The following ATRN variants were observed in gnomAD, a reference collection of about 807,000 sequenced individuals.
ATRN encodes attractin-2.
Under a neutral mutation model 178.7 loss-of-function variants are expected in ATRN, and 54 were observed. That is an observed-to-expected ratio of 0.30 (90% CI 0.24 to 0.38). The LOEUF (loss-of-function observed/expected upper bound fraction) is 0.38, where lower values mean the gene tolerates loss of function less well. ATRN is among the 10% of genes least tolerant of loss of function. ATRN has a pLI of 1.00. For synonymous variants in ATRN, 636 were observed against 663.0 expected (o/e 0.96, Z 0.63); for missense variants, 1,443 against 1,815.1 (o/e 0.79, Z 3.73).
chr20:3,519,259 T>C (rs1340152458), intron 1 of ATRN, among the ~76,000 whole-genome samples: 3 of 152,084 alleles, frequency 2.0e-5, no homozygotes, highest in East Asian at 1.9e-4. Context: ...TACTGGGAGA[T>C]CTGAGAACGG....
chr20:3,485,513 T>C (rs2146077437), intron 1 of ATRN, among the ~76,000 whole-genome samples: 1 of 152,166 alleles, frequency 6.6e-6, no homozygotes, highest in Non-Finnish European at 1.5e-5. Context: ...TTTTAATTGT[T>C]AGACCATCTT....
intron 24 of ATRN, among the ~76,000 whole-genome samples, chr20:3,618,108 G>A (rs909081463): frequency 6.6e-6 from 1 of 152,148 alleles, no homozygotes; most frequent in South Asian, 2.1e-4. Context: ...CAGGCACATC[G>A]TCTCCCCATA....
chr20:3,552,016 CT>C (rs2085794422), intron 6 of ATRN, among the ~76,000 whole-genome samples: 1 of 152,178 alleles, frequency 6.6e-6, no homozygotes, highest in Admixed American at 6.5e-5. Context: ...TAGTTCTTAT[CT>C]TACTTGATCT....
intron 24 of ATRN, among the ~76,000 whole-genome samples, chr20:3,606,705 T>A (rs977671559): frequency 6.6e-6 from 1 of 152,276 alleles, no homozygotes; most frequent in Non-Finnish European, 1.5e-5. Context: ...GAGCATGACG[T>A]ATTATTTCCT....
chr20:3,471,896 T>C (rs1450116318), intron 1 of ATRN, among the ~76,000 whole-genome samples: 1 of 152,208 alleles, frequency 6.6e-6, no homozygotes, highest in East Asian at 1.9e-4. Flanking sequence ...CACTTCCTTT[T>C]AACATCCACA....
intron 6 of ATRN, among the ~76,000 whole-genome samples, chr20:3,553,394 C>A (rs1226034697): frequency 6.6e-6 from 1 of 152,106 alleles, no homozygotes; most frequent in Non-Finnish European, 1.5e-5. Context: ...CATATTTATT[C>A]TTTTTATGTA....
chr20:3,526,733 T>C (rs896052890), intron 1 of ATRN, among the ~76,000 whole-genome samples: 4 of 152,072 alleles, frequency 2.6e-5, no homozygotes, highest in Admixed American at 1.3e-4. Flanking sequence ...AAAACAGATA[T>C]ATAGACCAAT....
intron 27 of ATRN, 93 bp downstream of exon 27, chr20:3,639,028 A>G (rs2087046820): frequency 1.2e-6 from 1 of 861,996 alleles, no homozygotes; most frequent in Non-Finnish European, 1.8e-6. Context: ...GCCCTATTCC[A>G]TTACCTCCTT....
intron 25 of ATRN, among the ~76,000 whole-genome samples, chr20:3,631,013 G>A (rs1381204036): frequency 3.2e-5 from 4 of 126,278 alleles, no homozygotes; most frequent in Admixed American, 1.0e-4. Context: ...TGCAGTCATA[G>A]CCCACTGCAG....
In ATRN at chr20:3,584,052, T is replaced by C; in HGVS notation, c.2919T>C (p.Cys973=). 2 of 1,614,122 alleles carry C rather than the reference T, an allele frequency of 1.2e-6. No individual in the cohort carries two copies. Among genetic ancestry groups the C allele is most frequent in the Non-Finnish European group, 1.7e-6 (2 of 1,180,002 alleles). ...AYVASFPFGQ[C]MEWYTMSTCP... ...TGGCCTCCTTCCCTTTTGGCCAGTG[T>C]ATGGAATGGTATACGATGAGCACCT... The change falls in exon 17 of 29, where the codon TGT becomes TGC. Residue 973 remains cysteine (C), a synonymous_variant. Coordinates refer to ENST00000262919, the MANE Select transcript of ATRN (RefSeq NM_139321.3).
At chr20:3,584,969 T>C (rs771796781) in intron 18 of ATRN, 89 bp downstream of exon 18, 16 of 1,232,390 alleles carry the variant, frequency 1.3e-5, no homozygotes, top group Non-Finnish European at 1.8e-5. Context: ...TATATGTAAC[T>C]CCCTGCCCTC....
intron 1 of ATRN, among the ~76,000 whole-genome samples, chr20:3,472,658 C>G (rs2084448381): frequency 6.6e-6 from 1 of 152,146 alleles, no homozygotes; most frequent in Non-Finnish European, 1.5e-5. Context: ...TTTGAAATGA[C>G]ATTTGATCTG....
intron 28 of ATRN, 111 bp downstream of exon 28, chr20:3,644,379 C>A: frequency 1.2e-6 from 1 of 863,374 alleles, no homozygotes; most frequent in East Asian, 2.7e-5. Context: ...ACCAACAGTG[C>A]CTGCCCATGC....
Position 3,490,845 on chromosome 20 carries a change from C to T in ATRN, c.410+19328C>T, listed in dbSNP as rs192272317. On this transcript the variant is annotated intron_variant, in intron 1 of 28. Coordinates refer to ENST00000262919, the MANE Select transcript of ATRN (RefSeq NM_139321.3). The stretch of plus-strand genomic sequence containing the variant: ...TCCATCTTTATCATCATACAGATCC[C>T]TCAGGTTCCCACTGACCTCCATATA... 2.3e-5 allele frequency: 19 copies of T among 822,908 alleles called. No homozygotes were observed. The East Asian group carries it at 4.4e-4, about 19-fold the overall frequency. 51.0% of individuals were successfully genotyped at this position (822,908 alleles called of 1,614,324 possible).
intron 24 of ATRN, among the ~76,000 whole-genome samples, chr20:3,617,145 C>T (rs551361643): frequency 6.6e-6 from 1 of 152,252 alleles, no homozygotes; most frequent in African/African-American, 2.4e-5. Flanking sequence ...CAATTGCTGA[C>T]CAGTGCTATG....
chr20:3,594,641 G>C, intron 20 of ATRN, 69 bp downstream of exon 20: 1 of 1,306,782 alleles, frequency 7.7e-7, no homozygotes, highest in Non-Finnish European at 1.1e-6. Flanking sequence ...ACCCCACCCT[G>C]AGAGCCACCC....
At chr20:3,623,498 T>C (rs1477494515) in intron 24 of ATRN, among the ~76,000 whole-genome samples, 2 of 152,176 alleles carry the variant, frequency 1.3e-5, no homozygotes, top group Non-Finnish European at 2.9e-5. Context: ...TTCTGGCCCC[T>C]GTGAGTCTGG....
intron 27 of ATRN, among the ~76,000 whole-genome samples, chr20:3,642,878 G>A (rs2087079924): frequency 6.6e-6 from 1 of 152,186 alleles, no homozygotes; most frequent in Admixed American, 6.5e-5. Context: ...TCTGGCTGGT[G>A]GCAGAAAGAG....
chr20:3,592,221 G>A (rs2086456811), intron 19 of ATRN, among the ~76,000 whole-genome samples: 1 of 152,114 alleles, frequency 6.6e-6, no homozygotes, highest in African/African-American at 2.4e-5. Context: ...CCAACATGGT[G>A]AAACCCCATC....
Sources: allele counts gnomAD v4.1 joint callset (sites outside exome capture counted in the v4.1 genomes callset), GRCh38; gene constraint gnomAD v4.1.1; transcripts MANE v1.5; gene names NCBI Gene and HGNC (gene_info 2026-07-23, HGNC 2026-07-21).